The following AFM variants were observed in gnomAD, a reference collection of about 807,000 sequenced individuals.
AFM encodes alpha-Alb.
Under a neutral mutation model 68.7 loss-of-function variants are expected in AFM, and 82 were observed. The ratio of observed to expected loss-of-function variants is 1.19; its 90% CI spans 1.00 to 1.43. The LOEUF (loss-of-function observed/expected upper bound fraction) is 1.43. Among genes scored for constraint, AFM ranks in the 40% most tolerant of loss-of-function variants. The pLI, the probability that AFM is intolerant of heterozygous loss-of-function variation, is 0.00. For missense variants in AFM, 772 were observed against 701.8 expected, an observed-to-expected ratio of 1.10 and a Z score of -1.13; for synonymous variants, 250 against 234.2, an observed-to-expected ratio of 1.07 and a Z score of -0.61.
intron 7 of AFM, 69 bp from the exon 8 acceptor site, chr4:73,491,803 G>A: frequency 1.6e-6 from 2 of 1,250,274 alleles, no homozygotes; most frequent in South Asian, 2.6e-5. Context: ...GGTTTTGCAT[G>A]CCATCATTCC....
At position 73,488,727 on chromosome 4, in the gene AFM, G is replaced by A. The variant is rs375421822; in HGVS notation, c.811G>A (p.Glu271Lys). Residue 271 changes from glutamate (E) to lysine (K), a missense_variant, in exon 7 of 15, where the codon GAA becomes AAA. By Grantham distance (56) the Glu-to-Lys change is moderately conservative (BLOSUM62 1). Coordinates refer to ENST00000226355, the MANE Select transcript of AFM (RefSeq NM_001133.2). ...TTCTTCCAACTATGATGGATGCTGT[G>A]AAGGGGATGTTGTGCAGTGCATCCG... ...DVSSNYDGCCEGDVVQCIRDT... is the reference protein window; with the variant it reads ...DVSSNYDGCCKGDVVQCIRDT... 1.9e-6 allele frequency: 3 copies of A among 1,613,158 alleles called. No homozygotes were observed. In the African/African-American group the frequency reaches 4.0e-5, roughly 22 times the overall value.
intron 8 of AFM, among the ~76,000 whole-genome samples, chr4:73,493,697 G>T (rs80280142): frequency 6.6e-6 from 1 of 152,254 alleles, no homozygotes; most frequent in African/African-American, 2.4e-5. Flanking sequence ...ATGTGGTGTG[G>T]CCAGGATTCA....
chr4:73,485,171 C>T (rs1256536302), intron 3 of AFM, among the ~76,000 whole-genome samples: 1 of 152,054 alleles, frequency 6.6e-6, no homozygotes, highest in African/African-American at 2.4e-5. Flanking sequence ...TTTTCTGGGC[C>T]TCCTCCAAGT....
chr4:73,500,555 T>C (rs1050497421), intron 12 of AFM, among the ~76,000 whole-genome samples: 4 of 152,156 alleles, frequency 2.6e-5, no homozygotes, highest in Non-Finnish European at 5.9e-5. Flanking sequence ...AGAATATCAT[T>C]TAGTGTTTAC....
At chr4:73,492,509 TTAACTGC>T (rs1399614840) in intron 8 of AFM, among the ~76,000 whole-genome samples, 3 of 152,176 alleles carry the variant, frequency 2.0e-5, no homozygotes, top group African/African-American at 7.2e-5. Flanking sequence ...AGTTGCAGGC[TTAACTGC>T]TATGCTATGC....
chr4:73,500,905 G>T (rs1322921412), intron 12 of AFM, among the ~76,000 whole-genome samples: 2 of 151,990 alleles, frequency 1.3e-5, no homozygotes, highest in African/African-American at 4.8e-5. Context: ...ATTCTAGTCT[G>T]GTCTATTTTA....
At chr4:73,495,506 T>C (rs1445364689) in intron 9 of AFM, 74 bp downstream of exon 9, 3 of 1,562,412 alleles carry the variant, frequency 1.9e-6, no homozygotes, top group Non-Finnish European at 2.6e-6. Flanking sequence ...GATATCAGAG[T>C]TTTGCTGCAG....
At chr4:73,493,054 G>A (rs1721124794) in intron 8 of AFM, among the ~76,000 whole-genome samples, 1 of 152,084 alleles carries the variant, frequency 6.6e-6, no homozygotes, top group African/African-American at 2.4e-5. Flanking sequence ...TAGGGACCCT[G>A]GAAAGGCTTA....
At chr4:73,502,328 C>G (rs553569349) in intron 13 of AFM, among the ~76,000 whole-genome samples, 51 of 152,214 alleles carry the variant, frequency 3.4e-4, no homozygotes, top group South Asian at 4.1e-4. Context: ...TGGAGCAGAG[C>G]AGGAAGGGTA....
In AFM at chr4:73,499,212, C is replaced by A. The variant is rs772707726; in HGVS notation, c.1388C>A (p.Thr463Lys). Reference protein sequence around the residue: ...KMVTAFTTCCTLSEEFACVDN... With the variant: ...KMVTAFTTCCKLSEEFACVDN... ...GTGACAGCTTTCACTACTTGCTGTA[C>A]GCTAAGTGAAGAGTTTGCCTGTGTT... Residue 463 changes from threonine (T) to lysine (K), a missense_variant, in exon 11 of 15, where the codon ACG (threonine) becomes AAG (lysine). Thr to Lys is a moderately conservative substitution (Grantham distance 78, BLOSUM62 -1). Transcript: ENST00000226355. The A allele has an allele frequency of 1.2e-6, 2 of 1,611,494 alleles. No homozygotes were observed. Among genetic ancestry groups the A allele is most frequent in the South Asian group, 2.2e-5 (2 of 90,822 alleles).
chr4:73,489,260 C>T (rs1283587519), intron 7 of AFM, among the ~76,000 whole-genome samples: 1 of 151,880 alleles, frequency 6.6e-6, no homozygotes, highest in African/African-American at 2.4e-5. Flanking sequence ...TACCTTCTCC[C>T]TTCCCTTTTC....
At chr4:73,492,589 T>A (rs6842647) in intron 8 of AFM, among the ~76,000 whole-genome samples, 40 of 151,494 alleles carry the variant, frequency 2.6e-4, no homozygotes, top group African/African-American at 9.4e-4. Flanking sequence ...ATTTGAGTTC[T>A]GGTTGAGTTG....
At chr4:73,497,943 A>T (rs1215480907) in intron 10 of AFM, among the ~76,000 whole-genome samples, 194 bp downstream of exon 10, 1 of 152,228 alleles carries the variant, frequency 6.6e-6, no homozygotes, top group Admixed American at 6.5e-5. Context: ...AGCTAAAAAT[A>T]AAAGAAATAC....
At chr4:73,496,220 G>A (rs1253397611) in intron 9 of AFM, among the ~76,000 whole-genome samples, 4 of 152,122 alleles carry the variant, frequency 2.6e-5, no homozygotes, top group Non-Finnish European at 5.9e-5. Flanking sequence ...CTCTTCTTGT[G>A]TCTAGTATAG....
At chr4:73,503,006 A>T (rs752372492) in intron 13 of AFM, 44 bp from the exon 14 acceptor site, 1 of 1,594,898 alleles carries the variant, frequency 6.3e-7, no homozygotes, top group Non-Finnish European at 8.6e-7. Flanking sequence ...CTAGTGTCTT[A>T]AATTTTTCTT....
chr4:73,486,039 G>C lies in AFM; in HGVS notation c.448G>C (p.Ala150Pro), dbSNP rs375914166. ...PTLDPEEKCQ[A>P]YESNRESLLN... ...CCTGGATCCCGAAGAGAAATGCCAGGCTTATGAAAGTAACAGAGAATCCCT... is the reference window on the plus strand; with the variant it reads ...CCTGGATCCCGAAGAGAAATGCCAGCCTTATGAAAGTAACAGAGAATCCCT... Residue 150 changes from alanine (A) to proline (P), a missense_variant, in exon 4 of 15, where the codon GCT becomes CCT. Ala to Pro is a conservative substitution (Grantham distance 27). Transcript: ENST00000226355. 1.9e-6 allele frequency: 3 copies of C among 1,613,802 alleles called. No individual in the cohort carries two copies. The highest frequency in any genetic ancestry group is 1.1e-5 in the South Asian group (1 of 91,076).
intron 13 of AFM, 66 bp from the exon 14 acceptor site, chr4:73,502,984 T>A: frequency 7.1e-7 from 1 of 1,408,070 alleles, no homozygotes; most frequent in Non-Finnish European, 1.0e-6. Context: ...AACATGCTTA[T>A]CTAAATTTAA....
chr4:73,501,187 G>T (rs1358455276), intron 12 of AFM, among the ~76,000 whole-genome samples: 1 of 150,480 alleles, frequency 6.6e-6, no homozygotes, highest in African/African-American at 2.5e-5. Flanking sequence ...AATCATTATT[G>T]TCTATGGCTG....
At chr4:73,493,920 G>A (rs1721173139) in intron 8 of AFM, among the ~76,000 whole-genome samples, 1 of 152,172 alleles carries the variant, frequency 6.6e-6, no homozygotes, top group African/African-American at 2.4e-5. Context: ...GTAACAGTGA[G>A]CACACCAAGT....
Sources: gnomAD v4.1 joint callset for allele counts (sites outside exome capture counted in the v4.1 genomes callset) on GRCh38, gnomAD v4.1.1 for gene constraint, MANE v1.5 for transcripts, NCBI Gene and HGNC (gene_info 2026-07-23, HGNC 2026-07-21) for gene names.